Variants in ERMAP observed in about 807,000 individuals in gnomAD.
The protein encoded by ERMAP is erythroblast membrane associated protein (Scianna blood group).
Under a neutral mutation model 49.5 loss-of-function variants are expected in ERMAP, and 34 were observed. The observed-to-expected ratio is 0.69, with a 90% CI of 0.52 to 0.91. The LOEUF is 0.91. ERMAP is among the 40% of genes least tolerant of loss of function. The pLI, the probability that ERMAP is intolerant of heterozygous loss-of-function variation, is 0.00. For synonymous variants in ERMAP, 214 were observed against 232.2 expected, an observed-to-expected ratio of 0.92 and a Z score of 0.71; for missense variants, 541 against 582.6, an observed-to-expected ratio of 0.93 and a Z score of 0.74.
At chr1:42,836,726 C>T (rs528004532) in intron 6 of ERMAP, among the ~76,000 whole-genome samples, 10 of 151,874 alleles carry the variant, frequency 6.6e-5, no homozygotes, top group Admixed American at 5.2e-4. Flanking sequence ...CATGGTGGTG[C>T]GTGCCTGTAA....
In ERMAP at chr1:42,830,781, T is replaced by TA; in HGVS notation, c.99_100insA (p.Ala34SerfsTer55). 1 of 1,547,648 alleles carries TA rather than the reference T, an allele frequency of 6.5e-7. No individual in the cohort carries two copies. Among genetic ancestry groups the TA allele is most frequent in the South Asian group, 1.2e-5 (1 of 84,574 alleles). On this transcript the variant is annotated frameshift_variant, in exon 4 of 12. Transcript: ENST00000372517. LOFTEE classifies it high-confidence loss of function. ...TTTTTTGTCCAGGCCACGCAGGGGA[T>TA]GCCGGCAAGTTCCACGTGGCCCTAC...
intron 1 of ERMAP, among the ~76,000 whole-genome samples, chr1:42,821,334 G>A (rs1654400455): frequency 6.6e-6 from 1 of 152,102 alleles, no homozygotes; most frequent in South Asian, 2.1e-4. Flanking sequence ...TTTTAAGTCA[G>A]GAAGCATATA....
intron 1 of ERMAP, 24 bp from the exon 2 acceptor site, chr1:42,825,599 A>G: frequency 7.8e-7 from 1 of 1,277,294 alleles, no homozygotes. Context: ...TAAAATATGA[A>G]CTTTTCCCGG....
chr1:42,829,444 G>A (rs1268224917), intron 2 of ERMAP, among the ~76,000 whole-genome samples: 2 of 152,208 alleles, frequency 1.3e-5, no homozygotes, highest in African/African-American at 4.8e-5. Flanking sequence ...GAGAATTTAA[G>A]AGATGAGTTG....
At position 42,842,542 on chromosome 1, in the gene ERMAP, AG is replaced by A. The variant is rs1389290279; in HGVS notation, c.739del (p.Ala247HisfsTer14). ...FVAVTLDPDTAHPKLILSEDQ... is the reference protein window; with the variant it reads ...FVAVTLDPDTXHPKLILSEDQ... ...TGGCAGTGACCCTGGACCCAGACAC[AG>A]CACATCCCAAACTCATCCTTTCTGA... On this transcript the variant is annotated frameshift_variant, in exon 12 of 12. Coordinates refer to ENST00000372517, the MANE Select transcript of ERMAP (RefSeq NM_001017922.2). LOFTEE classifies it high-confidence loss of function. 1 of 1,613,852 alleles carries A rather than the reference AG, an allele frequency of 6.2e-7. No individual in the cohort carries two copies. Among genetic ancestry groups the A allele is most frequent in the Non-Finnish European group, 8.5e-7 (1 of 1,179,920 alleles).
chr1:42,840,981 T>C (rs535738175), intron 11 of ERMAP, among the ~76,000 whole-genome samples: 1 of 152,218 alleles, frequency 6.6e-6, no homozygotes, highest in Non-Finnish European at 1.5e-5. Context: ...TATGAAAAGA[T>C]TTGCACCTCT....
At chr1:42,832,774 C>T (rs1160543266) in intron 4 of ERMAP, among the ~76,000 whole-genome samples, 1 of 152,230 alleles carries the variant, frequency 6.6e-6, no homozygotes, top group Non-Finnish European at 1.5e-5. Flanking sequence ...AAGCTAGAGA[C>T]TGGCTTATCC....
Position 42,843,508 on chromosome 1 carries a change from G to C in ERMAP, c.*276G>C, listed in dbSNP as rs1655128488. On this transcript the variant is annotated 3_prime_UTR_variant, in exon 12 of 12. Coordinates refer to ENST00000372517, the MANE Select transcript of ERMAP (RefSeq NM_001017922.2). ...GGAGATGTTGAATATGTGTTACCAA[G>C]ATACAGCACAGGTTCAGGGAAAAGA... 6.2e-6 allele frequency: 2 copies of C among 323,998 alleles called. No individual in the cohort carries two copies. Among genetic ancestry groups the C allele is most frequent in the Admixed American group, 4.6e-5 (1 of 21,848 alleles). 20.1% of individuals were successfully genotyped at this position (323,998 alleles called of 1,614,324 possible).
At position 42,840,289 on chromosome 1, in the gene ERMAP, G is replaced by A. The variant is rs1248871070; in HGVS notation, c.705G>A (p.Leu235=). The part of the protein sequence containing the change: ...AANSGWRRAR[L]HFVAVTLDPD... ...TTTCAGGCTGGAGAAGAGCCCGGTT[G>A]CATTTTGGTAAGTTATACCAATCAA... The change falls in exon 11 of 12, where the codon TTG becomes TTA. Residue 235 remains leucine (L), a synonymous_variant. Coordinates refer to ENST00000372517, the MANE Select transcript of ERMAP (RefSeq NM_001017922.2). The A allele has an allele frequency of 1.9e-6, 3 of 1,614,014 alleles. No individual in the cohort carries two copies. In the African/African-American group the frequency reaches 4.0e-5, roughly 22 times the overall value.
chr1:42,837,239 ATTTTT>A, intron 7 of ERMAP, 49 bp downstream of exon 7: 1 of 1,570,812 alleles, frequency 6.4e-7, no homozygotes, highest in Non-Finnish European at 8.7e-7. Context: ...CACATTCTTT[ATTTTT>A]CTATGTAAAT....
rs149207454 is a variant in ERMAP at position 42,834,080 on chromosome 1, G to T, written c.434-958G>T. ...TCATGCACACATTTTACAGATGAGG[G>T]ACAATGGGCTGGGAGGTGCTCAGTC... On this transcript the variant is annotated intron_variant, in intron 4 of 11. Coordinates refer to ENST00000372517, the MANE Select transcript of ERMAP (RefSeq NM_001017922.2). Among the ~76,000 whole-genome samples the T allele has an allele frequency of 5.2e-4, 79 of 152,312 alleles. 1 individual carries two copies. The highest frequency in any genetic ancestry group is 1.9e-3 in the African/African-American group (77 of 41,576).
chr1:42,830,842 C>T lies in ERMAP; in HGVS notation c.160C>T (p.Leu54Phe). The change falls in exon 4 of 12, where the codon CTC becomes TTC. Residue 54 changes from leucine (L) to phenylalanine (F), a missense_variant. Leu to Phe is a conservative substitution (Grantham distance 22). Transcript: ENST00000372517. ...AGCCGAGCTGCTCTGCCCTCTCTCCCTCTGGCCCGGGACGGTACCCAAGGA... is the reference window on the plus strand; with the variant it reads ...AGCCGAGCTGCTCTGCCCTCTCTCCTTCTGGCCCGGGACGGTACCCAAGGA... ...GTAELLCPLS[L>F]WPGTVPKEVR... is the part of the protein sequence containing the mutation. 1.2e-6 allele frequency: 2 copies of T among 1,603,338 alleles called. No individual in the cohort carries two copies. The highest frequency in any genetic ancestry group is 8.5e-7 in the Non-Finnish European group (1 of 1,175,068).
intron 4 of ERMAP, 63 bp from the exon 5 acceptor site, chr1:42,834,975 T>G: frequency 1.3e-6 from 1 of 783,226 alleles, no homozygotes; most frequent in South Asian, 1.4e-5. Context: ...GCCTGCCATC[T>G]GAGGCATGCC....
intron 3 of ERMAP, 21 bp from the exon 4 acceptor site, chr1:42,830,747 C>A: frequency 6.6e-7 from 1 of 1,510,822 alleles, no homozygotes; most frequent in Admixed American, 2.1e-5. Flanking sequence ...CCCAGTTGGC[C>A]TTGTCTCTTT....
At chr1:42,840,985 C>T (rs866182222) in intron 11 of ERMAP, among the ~76,000 whole-genome samples, 11 of 152,276 alleles carry the variant, frequency 7.2e-5, no homozygotes, top group Admixed American at 1.3e-4. Context: ...AAAAGATTTG[C>T]ACCTCTCTTT....
In ERMAP at chr1:42,842,900, G is replaced by C; in HGVS notation, c.1096G>C (p.Ala366Pro). 3 of 1,614,190 alleles carry C rather than the reference G, an allele frequency of 1.9e-6. No individual in the cohort carries two copies. The highest frequency in any genetic ancestry group is 2.5e-6 in the Non-Finnish European group (3 of 1,180,046). The change falls in exon 12 of 12, where the codon GCA becomes CCA. Residue 366 changes from alanine to proline, a missense_variant. Transcript: ENST00000372517. ...RCVGIFLDYEAGVISFYNVTN... is the reference protein window; with the variant it reads ...RCVGIFLDYEPGVISFYNVTN... ...TGTGGGGATTTTCCTGGACTATGAA[G>C]CAGGAGTCATCTCTTTCTACAATGT...
In ERMAP at chr1:42,830,785, G is replaced by A. The variant is rs146429994; in HGVS notation, c.103G>A (p.Gly35Ser). The A allele has an allele frequency of 4.5e-3, 7,035 of 1,550,324 alleles. 46 individuals carry two copies. Among genetic ancestry groups the A allele is most frequent in the Non-Finnish European group, 4.2e-3 (4,803 of 1,147,304 alleles). The change falls in exon 4 of 12, where the codon GGC becomes AGC. Residue 35 changes from glycine (G) to serine (S), a missense_variant. Gly to Ser is a moderately conservative substitution (Grantham distance 56). Coordinates refer to ENST00000372517, the MANE Select transcript of ERMAP (RefSeq NM_001017922.2). Reference sequence around the variant, plus strand: ...TTGTCCAGGCCACGCAGGGGATGCCGGCAAGTTCCACGTGGCCCTACTAGG... The same window carrying A: ...TTGTCCAGGCCACGCAGGGGATGCCAGCAAGTTCCACGTGGCCCTACTAGG... ...VHVSGHAGDA[G>S]KFHVALLGGT...
At chr1:42,834,999 CA>C in intron 4 of ERMAP, 38 bp from the exon 5 acceptor site, 1 of 842,106 alleles carries the variant, frequency 1.2e-6, no homozygotes, top group Non-Finnish European at 2.1e-6. Context: ...AGCTCTTAGA[CA>C]TCTCCCTGAG....
Position 42,835,743 on chromosome 1 carries a change from T to G in ERMAP, c.562T>G (p.Tyr188Asp). ...KQRRAKEKLL[Y>D]EHVTEVDNLL... The stretch of plus-strand genomic sequence containing the variant: ...TCTCTCCCTTTTAGAAAAGCTTCTC[T>G]ATGAACATGTGACGGAGGTGGGTAA... The change falls in exon 6 of 12, where the codon TAT (tyrosine) becomes GAT (aspartate). Residue 188 changes from tyrosine (Y) to aspartate (D), a missense_variant. By Grantham distance (160) the Tyr-to-Asp change is radical. Coordinates refer to ENST00000372517, the MANE Select transcript of ERMAP (RefSeq NM_001017922.2). 1 of 1,610,742 alleles carries G rather than the reference T, an allele frequency of 6.2e-7. No homozygotes were observed. The highest frequency in any genetic ancestry group is 8.5e-7 in the Non-Finnish European group (1 of 1,178,588).
Sources: allele counts gnomAD v4.1 joint callset (sites outside exome capture counted in the v4.1 genomes callset), GRCh38; gene constraint gnomAD v4.1.1; transcripts MANE v1.5; gene names NCBI Gene and HGNC (gene_info 2026-07-23, HGNC 2026-07-21).